CUBN: variants seen among roughly 807,000 people sequenced by gnomAD.
The protein encoded by CUBN is 460 kDa receptor.
Under a neutral mutation model 405.3 loss-of-function variants are expected in CUBN, and 282 were observed. That is an observed-to-expected ratio of 0.70 (90% CI 0.63 to 0.77). CUBN has a LOEUF of 0.77. Among genes scored for constraint, CUBN ranks in the 30% least tolerant of loss-of-function variants. The pLI is 0.00. For synonymous variants in CUBN, 1,684 were observed against 1,617.0 expected (o/e 1.04, Z -0.99); for missense variants, 4,514 against 4,475.2 (o/e 1.01, Z -0.25).
intron 25 of CUBN, 26 bp downstream of exon 25, chr10:17,044,981 C>T: frequency 6.2e-7 from 1 of 1,607,224 alleles, no homozygotes; most frequent in Non-Finnish European, 8.5e-7. Flanking sequence ...GAGCAGGGAA[C>T]AATATGATGG....
chr10:16,944,921 G>T (rs188468682), intron 36 of CUBN, among the ~76,000 whole-genome samples: 1 of 152,314 alleles, frequency 6.6e-6, no homozygotes. Flanking sequence ...CCAAACATTT[G>T]CTATGCACTA....
intron 14 of CUBN, among the ~76,000 whole-genome samples, chr10:17,090,185 A>T (rs1393501123): frequency 6.6e-6 from 1 of 152,224 alleles, no homozygotes; most frequent in Non-Finnish European, 1.5e-5. Context: ...GAGACATCAC[A>T]TAGCGGCATA....
At chr10:16,916,652 T>C (rs1588647253) in intron 45 of CUBN, among the ~76,000 whole-genome samples, 2 of 152,198 alleles carry the variant, frequency 1.3e-5, no homozygotes, top group Non-Finnish European at 2.9e-5. Context: ...TTCTGAACTT[T>C]CGCGGTATTA....
rs2131299870 is a variant in CUBN, at chr10:17,103,332, T to C, written c.1418-95A>G. 3 of 783,592 alleles carry C rather than the reference T, an allele frequency of 3.8e-6. No homozygotes were observed. The Admixed American group carries it at 5.6e-5, about 15-fold the overall frequency. The allele number at this position is 783,592 out of a possible 1,614,324, so 48.5% of individuals were successfully genotyped here. ...TGCTGCTGATAAACTTAGAGAAAAT[T>C]TGAGTAATGAAGGTTGGAGATAAAA... On this transcript the variant is annotated intron_variant, in intron 12 of 66. Transcript: ENST00000377833.
At chr10:17,082,275 A>G (rs1835990198) in intron 17 of CUBN, among the ~76,000 whole-genome samples, 1 of 152,240 alleles carries the variant, frequency 6.6e-6, no homozygotes, top group African/African-American at 2.4e-5. Flanking sequence ...GTCCAAGGTT[A>G]TACGGTCATC....
At chr10:16,827,124 C>G (rs1428699797) in intron 66 of CUBN, among the ~76,000 whole-genome samples, 1 of 152,108 alleles carries the variant, frequency 6.6e-6, no homozygotes, top group African/African-American at 2.4e-5. Context: ...AAAGATATCA[C>G]TACCAAAAAG....
Position 16,835,050 on chromosome 10 carries a change from G to C in CUBN, c.10326C>G (p.Ile3442Met). 1 of 1,614,048 alleles carries C rather than the reference G, an allele frequency of 6.2e-7. No individual in the cohort carries two copies. The highest frequency in any genetic ancestry group is 8.5e-7 in the Non-Finnish European group (1 of 1,180,010). ...TISLFFHSLG[I>M]ENSVECRNDF... The stretch of plus-strand genomic sequence containing the variant: ...CGTTTCTGCATTCAACTGAGTTCTC[G>C]ATGCCAAGTGAATGAAAAAAGAGGG... Residue 3442 changes from isoleucine to methionine, a missense_variant, in exon 64 of 67, where the codon ATC (isoleucine) becomes ATG (methionine). Ile to Met is a conservative substitution (Grantham distance 10). This residue lies in a region of CUBN where 1,186 missense variants were observed against 1,186.9 expected (regional missense o/e 1.00). Coordinates refer to ENST00000377833, the MANE Select transcript of CUBN (RefSeq NM_001081.4).
chr10:16,964,772 G>A (rs567557789), intron 31 of CUBN, among the ~76,000 whole-genome samples: 6 of 152,266 alleles, frequency 3.9e-5, no homozygotes, highest in South Asian at 4.1e-4. Flanking sequence ...TCTTGCTGCC[G>A]CCAGGAATGT....
In CUBN at chr10:17,068,195, A is replaced by G; in HGVS notation, c.2877T>C (p.Thr959=). Residue 959 remains threonine (T), a synonymous_variant, in exon 21 of 67, where the codon ACT becomes ACC. Coordinates refer to ENST00000377833, the MANE Select transcript of CUBN (RefSeq NM_001081.4). ...GATTAGGTTGGACTAATATATGCCA[A>G]GTACAGTTGATACCGTGGGGGTAGA... The part of the protein sequence containing the change: ...PNVYPHGINC[T]WHILVQPNHL... The G allele has an allele frequency of 1.9e-6, 3 of 1,613,808 alleles. No individual in the cohort carries two copies. Among genetic ancestry groups the G allele is most frequent in the Non-Finnish European group, 2.5e-6 (3 of 1,179,730 alleles).
intron 22 of CUBN, among the ~76,000 whole-genome samples, chr10:17,050,464 G>A (rs1187012462): frequency 6.6e-6 from 1 of 152,178 alleles, no homozygotes; most frequent in Non-Finnish European, 1.5e-5. Flanking sequence ...AAAGCAGCTG[G>A]AACTATATGG....
intron 47 of CUBN, 27 bp from the exon 48 acceptor site, chr10:16,914,019 C>G: frequency 6.2e-7 from 1 of 1,612,274 alleles, no homozygotes; most frequent in African/African-American, 1.3e-5. Context: ...GCCAAGAAAA[C>G]TTTCAATCAA....
At position 16,928,253 on chromosome 10, in the gene CUBN, G is replaced by A; in HGVS notation, c.6175C>T (p.Pro2059Ser). Residue 2059 changes from proline to serine, a missense_variant, in exon 41 of 67, where the codon CCT becomes TCT. Around this residue, in one of 5 missense-constraint regions of CUBN, gnomAD observed 1,613 missense variants for 1,542.8 expected, o/e 1.05. Coordinates refer to ENST00000377833, the MANE Select transcript of CUBN (RefSeq NM_001081.4). The stretch of plus-strand genomic sequence containing the variant: ...TCTCCAGTAGACCGGATGGGCCCAG[G>A]GATCTCTCTGCCACAGAGAACTGCT... ...QLAVLCGREIPGPIRSTGEYM... is the reference protein window; with the variant it reads ...QLAVLCGREISGPIRSTGEYM... 3 of 1,613,898 alleles carry A rather than the reference G, an allele frequency of 1.9e-6. No homozygotes were observed. The highest frequency in any genetic ancestry group is 2.5e-6 in the Non-Finnish European group (3 of 1,179,886).
At chr10:17,067,444 A>G (rs1210288618) in intron 21 of CUBN, among the ~76,000 whole-genome samples, 1 of 152,152 alleles carries the variant, frequency 6.6e-6, no homozygotes, top group Non-Finnish European at 1.5e-5. Flanking sequence ...ATATATAGTA[A>G]TAGGAACTTT....
chr10:16,902,238 CTATATATATTTGTATATATAG>C lies in CUBN; in HGVS notation c.8063-800_8063-780del, dbSNP rs1299854946. 6.5e-4 allele frequency among the ~76,000 whole-genome samples: 80 copies of C among 123,740 alleles called. No homozygotes were observed. In the East Asian group the frequency reaches 0.017, roughly 27 times the overall value. The allele number at this position is 123,740 out of a possible 152,430, so 81.2% of individuals were successfully genotyped here. A position where few individuals can be genotyped will look rare whatever the true frequency, so the allele number is the denominator to read the frequency against. On this transcript the variant is annotated intron_variant, in intron 51 of 66. Transcript: ENST00000377833. ...TATAGTATATATATGTATATATATA[CTATATATATTTGTATATATAG>C]TATATATATATTTGTATATATATAG...
chr10:16,901,759 C>A (rs2131423086), intron 51 of CUBN, among the ~76,000 whole-genome samples: 1 of 151,174 alleles, frequency 6.6e-6, no homozygotes, highest in East Asian at 1.9e-4. Context: ...GAGGCTGAGG[C>A]AGGAGAATCG....
At chr10:16,933,861 G>T (rs1445814439) in intron 39 of CUBN, among the ~76,000 whole-genome samples, 1 of 152,092 alleles carries the variant, frequency 6.6e-6, no homozygotes, top group East Asian at 1.9e-4. Flanking sequence ...AGCTGTAACT[G>T]GTGTCACTGC....
At chr10:16,980,614 T>C (rs969573788) in intron 31 of CUBN, among the ~76,000 whole-genome samples, 1 of 152,052 alleles carries the variant, frequency 6.6e-6, no homozygotes, top group Non-Finnish European at 1.5e-5. Context: ...CACCGCATAT[T>C]CTCACTCGTA....
intron 59 of CUBN, among the ~76,000 whole-genome samples, chr10:16,864,736 C>T (rs1193579511): frequency 1.8e-4 from 27 of 147,510 alleles, no homozygotes; most frequent in Non-Finnish European, 3.4e-4. Context: ...CCACAACCTT[C>T]ACCTCCCAGG....
intron 54 of CUBN, among the ~76,000 whole-genome samples, chr10:16,891,826 A>G (rs1841017455): frequency 6.6e-6 from 1 of 152,078 alleles, no homozygotes; most frequent in African/African-American, 2.4e-5. Context: ...TCATTTTTCT[A>G]TTGTCACACT....
Sources: gnomAD v4.1 joint callset for allele counts (sites outside exome capture counted in the v4.1 genomes callset) on GRCh38, gnomAD v4.1.1 for gene constraint, gnomAD v4.1.1 regional missense constraint, MANE v1.5 for transcripts, NCBI Gene and HGNC (gene_info 2026-07-23, HGNC 2026-07-21) for gene names.